TC2N: variants seen among roughly 807,000 people sequenced by gnomAD.
TC2N encodes tandem C2 domains, nuclear, also known as tandem C2 domains nuclear protein.
Under a neutral mutation model 61.9 loss-of-function variants are expected in TC2N, and 51 were observed. The observed-to-expected ratio is 0.82, with a 90% confidence interval of 0.66 to 1.04. The LOEUF (loss-of-function observed/expected upper bound fraction) is 1.04. Among genes scored for constraint, TC2N ranks in the 50% least tolerant of loss-of-function variants. TC2N has a pLI of 0.00. For synonymous variants in TC2N, 204 were observed against 192.6 expected (o/e 1.06, Z -0.49); for missense variants, 556 against 566.7 (o/e 0.98, Z 0.19).
intron 1 of TC2N, among the ~76,000 whole-genome samples, chr14:91,843,780 CT>C (rs1173450710): frequency 3.9e-5 from 6 of 152,156 alleles, no homozygotes; most frequent in African/African-American, 1.2e-4. Flanking sequence ...TCAAGGACAT[CT>C]TTTTTAAGCC....
chr14:91,823,766 A>G (rs986715467), intron 1 of TC2N, among the ~76,000 whole-genome samples: 7 of 152,232 alleles, frequency 4.6e-5, no homozygotes, highest in African/African-American at 1.7e-4. Context: ...CAACAAGGAG[A>G]AACAAATATA....
At chr14:91,811,711 C>T (rs972870615) in intron 3 of TC2N, among the ~76,000 whole-genome samples, 5 of 151,976 alleles carry the variant, frequency 3.3e-5, no homozygotes, top group African/African-American at 4.8e-5. Flanking sequence ...AGACATGTGA[C>T]GGATAACTGA....
intron 1 of TC2N, among the ~76,000 whole-genome samples, chr14:91,827,483 T>C (rs914349932): frequency 6.6e-6 from 1 of 152,124 alleles, no homozygotes; most frequent in African/African-American, 2.4e-5. Context: ...CATCTTCCAG[T>C]CTCCCTGACC....
At chr14:91,810,801 C>T (rs553646531) in intron 3 of TC2N, among the ~76,000 whole-genome samples, 10 of 148,374 alleles carry the variant, frequency 6.7e-5, no homozygotes, top group African/African-American at 2.2e-4. Flanking sequence ...AGATAACAGA[C>T]GAGACAGTGA....
At chr14:91,808,456 A>G (rs1015007012) in intron 3 of TC2N, among the ~76,000 whole-genome samples, 4 of 152,194 alleles carry the variant, frequency 2.6e-5, no homozygotes, top group African/African-American at 9.7e-5. Context: ...TTGCAACACA[A>G]TTTTAGTCAT....
chr14:91,847,336 A>C (rs1032269244), intron 1 of TC2N, among the ~76,000 whole-genome samples: 5 of 152,342 alleles, frequency 3.3e-5, no homozygotes, highest in Admixed American at 2.0e-4. Flanking sequence ...TCCTTTCAAC[A>C]AAAGCTGGAA....
chr14:91,793,045 A>G (rs995204351), intron 8 of TC2N, among the ~76,000 whole-genome samples: 1 of 152,142 alleles, frequency 6.6e-6, no homozygotes, highest in Non-Finnish European at 1.5e-5. Flanking sequence ...CTCAGGCTTC[A>G]ATTTCTCTTT....
At chr14:91,796,238 A>G (rs934603180) in intron 8 of TC2N, among the ~76,000 whole-genome samples, 2 of 151,930 alleles carry the variant, frequency 1.3e-5, no homozygotes, top group Non-Finnish European at 2.9e-5. Context: ...TAAGATCCCA[A>G]TATATATATA....
chr14:91,854,845 C>G (rs1888451369), intron 1 of TC2N, among the ~76,000 whole-genome samples: 1 of 152,116 alleles, frequency 6.6e-6, no homozygotes, highest in Non-Finnish European at 1.5e-5. Context: ...CTCTGCTAGA[C>G]TGAAGGACAG....
Position 91,813,829 on chromosome 14 carries a change from T to C in TC2N, c.-56-4A>G. 1 of 1,212,958 alleles carries C rather than the reference T, an allele frequency of 8.2e-7. No individual in the cohort carries two copies. The highest frequency in any genetic ancestry group is 1.2e-6 in the Non-Finnish European group (1 of 827,256). The allele number at this position is 1,212,958 out of a possible 1,614,324, so 75.1% of individuals were successfully genotyped here. On this transcript the variant is annotated splice_polypyrimidine_tract_variant and splice_region_variant and intron_variant, in intron 1 of 11. Transcript: ENST00000435962. ...AACTTCCAATCTTAATATTAATCTG[T>C]TGGTAGAATAGAAAACAAGTTAACC...
chr14:91,787,045 A>C (rs868082152), intron 10 of TC2N, among the ~76,000 whole-genome samples: 1 of 152,096 alleles, frequency 6.6e-6, no homozygotes, highest in South Asian at 2.1e-4. Flanking sequence ...TGCCCACTCA[A>C]ATCTCTGGGA....
intron 1 of TC2N, among the ~76,000 whole-genome samples, chr14:91,864,925 T>C (rs1888665588): frequency 6.6e-6 from 1 of 151,864 alleles, no homozygotes; most frequent in Non-Finnish European, 1.5e-5. Context: ...GGATTATAGG[T>C]GTGTGCCACC....
intron 1 of TC2N, among the ~76,000 whole-genome samples, chr14:91,842,511 A>C (rs1888182267): frequency 6.6e-6 from 1 of 152,184 alleles, no homozygotes; most frequent in African/African-American, 2.4e-5. Context: ...TCTCTCTTGA[A>C]GAAGGAAGTT....
chr14:91,839,115 C>T (rs1351094998), intron 1 of TC2N, among the ~76,000 whole-genome samples: 1 of 152,188 alleles, frequency 6.6e-6, no homozygotes, highest in African/African-American at 2.4e-5. Flanking sequence ...ATAATTCCTA[C>T]TCTAAACCCC....
intron 1 of TC2N, among the ~76,000 whole-genome samples, chr14:91,829,499 A>G (rs1887653630): frequency 6.6e-6 from 1 of 151,960 alleles, no homozygotes. Context: ...TTATTACTGC[A>G]TTTTTCATTA....
intron 1 of TC2N, among the ~76,000 whole-genome samples, chr14:91,852,596 T>C (rs1180950096): frequency 6.6e-6 from 1 of 152,200 alleles, no homozygotes; most frequent in Non-Finnish European, 1.5e-5. Context: ...TTAAAGCAAA[T>C]GATCTCCCAC....
At position 91,800,275 on chromosome 14, in the gene TC2N, A is replaced by C. The variant is rs1171482582; in HGVS notation, c.561+6T>G. On this transcript the variant is annotated splice_donor_region_variant and intron_variant, in intron 5 of 11. Transcript: ENST00000435962. The stretch of plus-strand genomic sequence containing the variant: ...ACATATAATTAAATTTATGTAGATA[A>C]TTCACCTGGATGAATCGCTGAGATG... 2 of 1,551,116 alleles carry C rather than the reference A, an allele frequency of 1.3e-6. 1 individual carries two copies. The highest frequency in any genetic ancestry group is 4.6e-5 in the East Asian group (2 of 43,660).
intron 1 of TC2N, among the ~76,000 whole-genome samples, chr14:91,828,980 A>G (rs1423594399): frequency 6.6e-6 from 1 of 151,958 alleles, no homozygotes; most frequent in Non-Finnish European, 1.5e-5. Context: ...AGACAAAAAT[A>G]TCTTATTCCA....
intron 9 of TC2N, among the ~76,000 whole-genome samples, chr14:91,788,854 T>C (rs1424348809): frequency 2.0e-5 from 3 of 152,202 alleles, no homozygotes; most frequent in Non-Finnish European, 4.4e-5. Context: ...AACTTGTTAT[T>C]TGGCAACAAA....
Sources: gnomAD v4.1 joint callset for allele counts (sites outside exome capture counted in the v4.1 genomes callset) on GRCh38, gnomAD v4.1.1 for gene constraint, MANE v1.5 for transcripts, NCBI Gene and HGNC (gene_info 2026-07-23, HGNC 2026-07-21) for gene names.